Variants in SCG5 observed in about 807,000 individuals in gnomAD.
The protein encoded by SCG5 is secretogranin V.
Under a neutral mutation model 25.7 loss-of-function variants are expected in SCG5, and 18 were observed. The ratio of observed to expected loss-of-function variants is 0.70; its 90% CI spans 0.48 to 1.04. The LOEUF (loss-of-function observed/expected upper bound fraction) is 1.04. Ranked by LOEUF, SCG5 falls within the 50% of genes least tolerant of loss-of-function variation. SCG5 has a pLI of 0.00. For missense variants in SCG5, 206 were observed against 259.8 expected, an observed-to-expected ratio of 0.79 and a Z score of 1.42; for synonymous variants, 101 against 91.7, an observed-to-expected ratio of 1.10 and a Z score of -0.58.
chr15:32,690,035 G>T (rs2054818507), intron 4 of SCG5, among the ~76,000 whole-genome samples: 1 of 152,112 alleles, frequency 6.6e-6, no homozygotes, highest in African/African-American at 2.4e-5. Context: ...TAGAGACGGG[G>T]TTTCACCGTG....
At chr15:32,670,660 T>C (rs2140547874) in intron 2 of SCG5, among the ~76,000 whole-genome samples, 1 of 152,370 alleles carries the variant, frequency 6.6e-6, no homozygotes, top group African/African-American at 2.4e-5. Flanking sequence ...CTAGTGCTCA[T>C]GATCTCTTCC....
intron 2 of SCG5, among the ~76,000 whole-genome samples, chr15:32,673,726 T>C (rs571531129): frequency 6.6e-6 from 1 of 152,166 alleles, no homozygotes; most frequent in South Asian, 2.1e-4. Context: ...GACCATTTAA[T>C]ATAGGTTTGT....
chr15:32,643,565 C>T (rs1445497314), intron 1 of SCG5, 21 bp from the exon 2 acceptor site: 2 of 1,541,964 alleles, frequency 1.3e-6, no homozygotes, highest in East Asian at 4.5e-5. Flanking sequence ...TATCAGTATA[C>T]ATTTGGTCTT....
At chr15:32,652,129 G>A (rs1028113028) in intron 2 of SCG5, among the ~76,000 whole-genome samples, 1 of 152,290 alleles carries the variant, frequency 6.6e-6, no homozygotes, top group South Asian at 2.1e-4. Flanking sequence ...AGGGGCAGTG[G>A]TTACCACTGT....
intron 2 of SCG5, chr15:32,669,066 G>A (rs2054371785): frequency 6.6e-6 from 1 of 152,176 alleles, no homozygotes. Context: ...ATTCCTGTTG[G>A]TGAAGTCACT....
chr15:32,668,144 A>C (rs1422452656), intron 2 of SCG5, among the ~76,000 whole-genome samples: 1 of 152,220 alleles, frequency 6.6e-6, no homozygotes, highest in African/African-American at 2.4e-5. Context: ...TCTCCTCTCG[A>C]GGCTAGAATT....
intron 5 of SCG5, among the ~76,000 whole-genome samples, chr15:32,694,725 A>G (rs898095902): frequency 2.0e-4 from 30 of 152,264 alleles, no homozygotes; most frequent in African/African-American, 6.8e-4. Flanking sequence ...GTCTGAGGAC[A>G]TTGCTCACTT....
intron 4 of SCG5, among the ~76,000 whole-genome samples, chr15:32,686,080 A>C (rs1274234471): frequency 5.9e-5 from 9 of 152,250 alleles, no homozygotes; most frequent in African/African-American, 2.2e-4. Flanking sequence ...CCTGTCTTAA[A>C]ACAACAAAGC....
chr15:32,665,266 G>T (rs895596746), intron 2 of SCG5, among the ~76,000 whole-genome samples: 32 of 152,008 alleles, frequency 2.1e-4, no homozygotes, highest in Non-Finnish European at 7.4e-5. Flanking sequence ...CTCTTGTCAA[G>T]AAATTTTTTT....
At chr15:32,690,997 A>G (rs1283236565) in intron 4 of SCG5, among the ~76,000 whole-genome samples, 1 of 151,546 alleles carries the variant, frequency 6.6e-6, no homozygotes. Context: ...TATAATCTCA[A>G]TAGAAGGGAA....
At chr15:32,692,794 C>G (rs1009577870) in intron 5 of SCG5, among the ~76,000 whole-genome samples, 1 of 152,176 alleles carries the variant, frequency 6.6e-6, no homozygotes, top group Non-Finnish European at 1.5e-5. Flanking sequence ...GAGAGAGCTT[C>G]AAGAGGTGTG....
At chr15:32,684,769 T>C (rs1337125677) in intron 4 of SCG5, 100 bp downstream of exon 4, 1 of 719,026 alleles carries the variant, frequency 1.4e-6, no homozygotes, top group East Asian at 2.7e-5. Context: ...GAAGAAAAAT[T>C]ATTTAGAAGC....
intron 1 of SCG5, among the ~76,000 whole-genome samples, chr15:32,642,272 G>A (rs2053877786): frequency 6.6e-6 from 1 of 151,982 alleles, no homozygotes; most frequent in Admixed American, 6.6e-5. Context: ...ATGATTAGAA[G>A]GAGGGTTTGC....
At chr15:32,659,950 CT>C (rs1265492934) in intron 2 of SCG5, among the ~76,000 whole-genome samples, 1 of 151,974 alleles carries the variant, frequency 6.6e-6, no homozygotes, top group African/African-American at 2.4e-5. Flanking sequence ...CTGAATAGCC[CT>C]TGGTCACTGA....
intron 2 of SCG5, among the ~76,000 whole-genome samples, chr15:32,669,897 T>C (rs960343391): frequency 9.2e-5 from 14 of 151,988 alleles, no homozygotes; most frequent in Non-Finnish European, 1.5e-5. Context: ...CGTTTTCTCC[T>C]TTTGGAAAGC....
intron 4 of SCG5, among the ~76,000 whole-genome samples, chr15:32,688,786 G>A (rs1209564682): frequency 6.6e-6 from 1 of 151,900 alleles, no homozygotes; most frequent in South Asian, 2.1e-4. Flanking sequence ...GTGAAACCCC[G>A]TCTCTACTAA....
At chr15:32,674,657 GC>G (rs1456252747) in intron 2 of SCG5, among the ~76,000 whole-genome samples, 2 of 152,154 alleles carry the variant, frequency 1.3e-5, no homozygotes, top group African/African-American at 2.4e-5. Flanking sequence ...GCTGTTGGGG[GC>G]TTTGTTAACA....
Position 32,687,998 on chromosome 15 carries a change from C to T in SCG5, c.489+3329C>T, listed in dbSNP as rs1383505184. Among the ~76,000 whole-genome samples, 3 of 152,210 alleles carry T rather than the reference C, an allele frequency of 2.0e-5. No individual in the cohort carries two copies. In the East Asian group the frequency reaches 5.8e-4, roughly 29 times the overall value. The stretch of plus-strand genomic sequence containing the variant: ...ATACTCAGTAATCTTATTCAATCTG[C>T]CCATCCTTGTCATTCTCACTTTCCA... On this transcript the variant is annotated intron_variant, in intron 4 of 5. Transcript: ENST00000300175.
intron 2 of SCG5, among the ~76,000 whole-genome samples, chr15:32,646,330 C>T (rs2053943803): frequency 6.6e-6 from 1 of 152,148 alleles, no homozygotes; most frequent in Non-Finnish European, 1.5e-5. Flanking sequence ...CAGCTTGCGT[C>T]CTCTTCCAAG....
Sources: allele counts gnomAD v4.1 joint callset (sites outside exome capture counted in the v4.1 genomes callset), GRCh38; gene constraint gnomAD v4.1.1; transcripts MANE v1.5; gene names NCBI Gene and HGNC (gene_info 2026-07-23, HGNC 2026-07-21).